ZNF407: variants seen among roughly 807,000 people sequenced by gnomAD.
The protein encoded by ZNF407 is zinc finger protein 407.
A neutral mutation model predicts 131.2 loss-of-function variants in ZNF407; 17 were observed. That is an observed-to-expected ratio of 0.13 (90% confidence interval 0.09 to 0.19). The LOEUF is 0.19. Ranked by LOEUF, ZNF407 falls within the 10% of genes least tolerant of loss-of-function variation. The pLI is 1.00. For synonymous variants in ZNF407, 1,156 were observed against 1,062.0 expected (o/e 1.09, Z -1.72); for missense variants, 2,681 against 2,830.6 (o/e 0.95, Z 1.20).
At chr18:74,935,239 G>T in intron 8 of ZNF407, among the ~76,000 whole-genome samples, 1 of 152,106 alleles carries the variant, frequency 6.6e-6, no homozygotes, top group Middle Eastern at 3.2e-3. Flanking sequence ...TTCATCTAAA[G>T]CTTTATTATT....
In ZNF407 at chr18:74,623,834, C is replaced by CTTA. The variant is rs557389662; in HGVS notation, c.-53-7131_-53-7129dup. Among the ~76,000 whole-genome samples the CTTA allele has an allele frequency of 1.2e-3, 189 of 151,706 alleles. 2 individuals are homozygous for CTTA. The highest frequency in any genetic ancestry group is 0.012 in the South Asian group (56 of 4,796). Reference sequence around the variant, plus strand: ...ATGAAGATAATAAAGCTACATGGAGCTTATGTTGACAGTCAAGGAACAACT... The same window carrying CTTA: ...ATGAAGATAATAAAGCTACATGGAGCTTATTATGTTGACAGTCAAGGAACAACT... On this transcript the variant is annotated intron_variant, in intron 1 of 8. Coordinates refer to ENST00000299687, the MANE Select transcript of ZNF407 (RefSeq NM_017757.3).
intron 7 of ZNF407, among the ~76,000 whole-genome samples, chr18:74,898,959 A>G (rs1171195321): frequency 6.6e-6 from 1 of 152,222 alleles, no homozygotes; most frequent in East Asian, 1.9e-4. Flanking sequence ...TTAAAAGTTT[A>G]AGACTCTGTT....
chr18:74,649,172 T>C (rs1034454532), intron 3 of ZNF407, among the ~76,000 whole-genome samples: 2 of 152,250 alleles, frequency 1.3e-5, no homozygotes, highest in African/African-American at 4.8e-5. Flanking sequence ...TTTTAAAAAG[T>C]CCTATTTACT....
chr18:74,776,646 A>T (rs1032683899), intron 3 of ZNF407, among the ~76,000 whole-genome samples: 8 of 152,138 alleles, frequency 5.3e-5, no homozygotes, highest in Admixed American at 2.0e-4. Flanking sequence ...TCCATAGGAA[A>T]CTGTTTGGCA....
intron 4 of ZNF407, among the ~76,000 whole-genome samples, chr18:74,870,749 T>C (rs1405463469): frequency 1.3e-5 from 2 of 152,210 alleles, no homozygotes; most frequent in Admixed American, 6.5e-5. Flanking sequence ...GTTACTGTTA[T>C]TTAGCTATTA....
At chr18:75,036,254 A>G (rs1239326273) in intron 8 of ZNF407, among the ~76,000 whole-genome samples, 2 of 152,220 alleles carry the variant, frequency 1.3e-5, no homozygotes, top group Non-Finnish European at 2.9e-5. Flanking sequence ...GCAAAATAGT[A>G]TAATTCTTTG....
intron 4 of ZNF407, among the ~76,000 whole-genome samples, chr18:74,796,756 C>G (rs1196636429): frequency 6.6e-6 from 1 of 151,980 alleles, no homozygotes; most frequent in Non-Finnish European, 1.5e-5. Flanking sequence ...TGGGTTTGAA[C>G]GTAATTCTAT....
chr18:75,051,001 G>A (rs1178401931), intron 8 of ZNF407, among the ~76,000 whole-genome samples: 1 of 151,162 alleles, frequency 6.6e-6, no homozygotes, highest in African/African-American at 2.4e-5. Flanking sequence ...TACTTATTAC[G>A]GCCTATTATA....
chr18:74,652,191 A>G (rs568295639), intron 3 of ZNF407, among the ~76,000 whole-genome samples: 1 of 152,236 alleles, frequency 6.6e-6, no homozygotes, highest in South Asian at 2.1e-4. Flanking sequence ...TTAAAATTAC[A>G]GCAGAAAAAT....
intron 3 of ZNF407, among the ~76,000 whole-genome samples, chr18:74,713,165 A>G (rs1967806539): frequency 6.6e-6 from 1 of 152,164 alleles, no homozygotes; most frequent in Non-Finnish European, 1.5e-5. Flanking sequence ...CAGATGTTAA[A>G]TTCCCTGTCT....
At chr18:75,028,631 C>G (rs1973199542) in intron 8 of ZNF407, among the ~76,000 whole-genome samples, 1 of 152,184 alleles carries the variant, frequency 6.6e-6, no homozygotes. Flanking sequence ...TTTAGAAACA[C>G]TGAACGTCAA....
At chr18:74,660,956 A>G (rs533279947) in intron 3 of ZNF407, among the ~76,000 whole-genome samples, 2 of 152,310 alleles carry the variant, frequency 1.3e-5, no homozygotes, top group Non-Finnish European at 2.9e-5. Context: ...ACTGAAAGTT[A>G]AGAAACAAGC....
chr18:74,858,164 C>A (rs925647891), intron 4 of ZNF407, among the ~76,000 whole-genome samples: 13 of 148,794 alleles, frequency 8.7e-5, no homozygotes, highest in African/African-American at 3.2e-4. Flanking sequence ...CTCTCTCCCT[C>A]CCTTCCCTCC....
chr18:74,720,939 T>TC (rs397743649), intron 3 of ZNF407, among the ~76,000 whole-genome samples: 2 of 151,366 alleles, frequency 1.3e-5, no homozygotes, highest in African/African-American at 2.4e-5. Context: ...TTTTTTTTTT[T>TC]CTTTTTCTTT....
chr18:74,893,765 T>C (rs1971418529), intron 7 of ZNF407, among the ~76,000 whole-genome samples: 1 of 152,146 alleles, frequency 6.6e-6, no homozygotes, highest in Non-Finnish European at 1.5e-5. Context: ...GAAAATTGTT[T>C]ATTTTCATAT....
chr18:75,031,122 A>G (rs952405640), intron 8 of ZNF407, among the ~76,000 whole-genome samples: 4 of 152,242 alleles, frequency 2.6e-5, no homozygotes, highest in Non-Finnish European at 5.9e-5. Flanking sequence ...CACTCATGTA[A>G]TAACAACACA....
At chr18:75,034,308 T>TG (rs1257819445) in intron 8 of ZNF407, among the ~76,000 whole-genome samples, 1 of 148,094 alleles carries the variant, frequency 6.8e-6, no homozygotes, top group Non-Finnish European at 1.5e-5. Flanking sequence ...GGGTTTTTTT[T>TG]TTTTTTTTTT....
intron 1 of ZNF407, among the ~76,000 whole-genome samples, chr18:74,604,591 C>T (rs1386986204): frequency 6.6e-6 from 1 of 152,230 alleles, no homozygotes; most frequent in African/African-American, 2.4e-5. Context: ...GATGTAGACA[C>T]AGCCTTATCT....
intron 8 of ZNF407, among the ~76,000 whole-genome samples, chr18:75,004,425 G>A (rs1405605417): frequency 6.6e-6 from 1 of 152,170 alleles, no homozygotes; most frequent in Non-Finnish European, 1.5e-5. Flanking sequence ...GCACTGTTGC[G>A]GGGGAGACAA....
Sources: gnomAD v4.1 joint callset for allele counts (sites outside exome capture counted in the v4.1 genomes callset) on GRCh38, gnomAD v4.1.1 for gene constraint, MANE v1.5 for transcripts, NCBI Gene and HGNC (gene_info 2026-07-23, HGNC 2026-07-21) for gene names.